Variants in NALF1 observed in about 807,000 individuals in gnomAD.
NALF1 encodes NALCN channel auxiliary factor 1.
NALF1 carries 3 observed loss-of-function variants against 48.4 expected under a neutral mutation model. The observed-to-expected ratio is 0.06, with a 90% CI of 0.03 to 0.16. The LOEUF is 0.16. NALF1 is among the 10% of genes least tolerant of loss of function. The pLI is 1.00. For missense variants in NALF1, 526 were observed against 571.5 expected (o/e 0.92, Z 0.81); for synonymous variants, 262 against 245.7 (o/e 1.07, Z -0.62).
intron 1 of NALF1, among the ~76,000 whole-genome samples, chr13:107,269,913 A>ATTTTTTTTT (rs71121514): frequency 2.0e-3 from 175 of 89,044 alleles, no homozygotes; most frequent in Middle Eastern, 7.6e-3. Flanking sequence ...CGCCCGGCTA[A>ATTTTTTTTT]TTTTTTTTTT....
chr13:107,332,993 G>C (rs1882497223), intron 1 of NALF1, among the ~76,000 whole-genome samples: 1 of 151,920 alleles, frequency 6.6e-6, no homozygotes, highest in Admixed American at 6.6e-5. Flanking sequence ...TTACAGGTGC[G>C]TGCCACCACA....
At chr13:107,775,151 C>A (rs928224517) in intron 1 of NALF1, among the ~76,000 whole-genome samples, 18 of 151,998 alleles carry the variant, frequency 1.2e-4, no homozygotes, top group Admixed American at 8.5e-4. Flanking sequence ...GTGCGCTGCA[C>A]CCACTAATTC....
At chr13:107,623,268 T>C (rs547985132) in intron 1 of NALF1, among the ~76,000 whole-genome samples, 2 of 152,332 alleles carry the variant, frequency 1.3e-5, no homozygotes, top group South Asian at 4.1e-4. Context: ...TCTCCTACCA[T>C]GACTTCTCTG....
intron 1 of NALF1, among the ~76,000 whole-genome samples, chr13:107,343,368 ACCCAGTG>A (rs1044835422): frequency 6.6e-6 from 1 of 152,144 alleles, no homozygotes; most frequent in African/African-American, 2.4e-5. Flanking sequence ...TGTGGGAGGG[ACCCAGTG>A]GGAGGTGATT....
At chr13:107,506,617 T>A (rs571494040) in intron 1 of NALF1, among the ~76,000 whole-genome samples, 1 of 152,180 alleles carries the variant, frequency 6.6e-6, no homozygotes, top group East Asian at 1.9e-4. Context: ...GGAAACTTCA[T>A]ATGCATAACA....
chr13:107,454,680 G>C (rs1884796587), intron 1 of NALF1, among the ~76,000 whole-genome samples: 1 of 152,122 alleles, frequency 6.6e-6, no homozygotes, highest in Non-Finnish European at 1.5e-5. Context: ...GTTTCAAATT[G>C]AGAGGTTTTC....
chr13:107,749,128 TTGTG>T (rs58213843), intron 1 of NALF1, among the ~76,000 whole-genome samples: 77,085 of 147,282 alleles, frequency 0.52, 22,046 homozygotes, highest in East Asian at 0.64. Flanking sequence ...ATGTCTATAA[TTGTG>T]TGTGTGTGTG....
intron 1 of NALF1, among the ~76,000 whole-genome samples, chr13:107,489,204 C>A (rs1330453602): frequency 6.6e-6 from 1 of 152,120 alleles, no homozygotes; most frequent in Non-Finnish European, 1.5e-5. Context: ...AGTCATACTG[C>A]CTAAAGCAAT....
intron 1 of NALF1, among the ~76,000 whole-genome samples, chr13:107,824,910 GA>G (rs1332814335): frequency 6.6e-6 from 1 of 152,164 alleles, no homozygotes; most frequent in East Asian, 1.9e-4. Context: ...TCAGATGTGT[GA>G]AAGTAGAAGA....
At chr13:107,390,170 G>T (rs534055559) in intron 1 of NALF1, among the ~76,000 whole-genome samples, 1 of 152,030 alleles carries the variant, frequency 6.6e-6, no homozygotes, top group East Asian at 1.9e-4. Flanking sequence ...AGGAGTTTGA[G>T]ACCATAGTGA....
chr13:107,648,695 T>C (rs148617272), intron 1 of NALF1, among the ~76,000 whole-genome samples: 39 of 152,260 alleles, frequency 2.6e-4, no homozygotes, highest in African/African-American at 8.2e-4. Context: ...TTTGAGAACA[T>C]ACCAAGAAGA....
chr13:107,707,989 C>T (rs1012936488), intron 1 of NALF1, among the ~76,000 whole-genome samples: 9 of 151,938 alleles, frequency 5.9e-5, no homozygotes, highest in Admixed American at 5.9e-4. Context: ...CCACCCTACC[C>T]CCCACCCCAC....
chr13:107,474,100 T>C (rs1204822001), intron 1 of NALF1, among the ~76,000 whole-genome samples: 1 of 152,178 alleles, frequency 6.6e-6, no homozygotes, highest in Admixed American at 6.6e-5. Flanking sequence ...TTGACTACTT[T>C]TCTCAATAAG....
intron 1 of NALF1, among the ~76,000 whole-genome samples, chr13:107,754,867 A>G (rs1877047779): frequency 6.6e-6 from 1 of 152,358 alleles, no homozygotes; most frequent in African/African-American, 2.4e-5. Context: ...AAGAAATTGT[A>G]AATCCTGTGG....
chr13:107,559,283 G>T (rs1048465688), intron 1 of NALF1, among the ~76,000 whole-genome samples: 2 of 152,100 alleles, frequency 1.3e-5, no homozygotes, highest in Admixed American at 6.5e-5. Flanking sequence ...GTCCGGATAA[G>T]GAGTGAATCT....
At chr13:107,682,192 C>G (rs1881321757) in intron 1 of NALF1, among the ~76,000 whole-genome samples, 1 of 152,204 alleles carries the variant, frequency 6.6e-6, no homozygotes, top group Non-Finnish European at 1.5e-5. Context: ...TCTAACAACT[C>G]TGTGAAAAGA....
At chr13:107,314,406 A>G (rs1230388806) in intron 1 of NALF1, among the ~76,000 whole-genome samples, 2 of 151,932 alleles carry the variant, frequency 1.3e-5, no homozygotes, top group Non-Finnish European at 2.9e-5. Flanking sequence ...AGCCCTTCTT[A>G]GTTTTATTTT....
chr13:107,309,045 A>G (rs969130921), intron 1 of NALF1, among the ~76,000 whole-genome samples: 1 of 152,168 alleles, frequency 6.6e-6, no homozygotes, highest in African/African-American at 2.4e-5. Flanking sequence ...ATCTCCTACA[A>G]TGGCGCTATT....
chr13:107,718,640 T>C (rs1320053266), intron 1 of NALF1, among the ~76,000 whole-genome samples: 1 of 152,168 alleles, frequency 6.6e-6, no homozygotes, highest in African/African-American at 2.4e-5. Context: ...AGCTGCCCCA[T>C]GTAGTTGAAA....
Sources: allele counts gnomAD v4.1 joint callset (sites outside exome capture counted in the v4.1 genomes callset), GRCh38; gene constraint gnomAD v4.1.1; transcripts MANE v1.5; gene names NCBI Gene and HGNC (gene_info 2026-07-23, HGNC 2026-07-21).